SPATA18: variants seen among roughly 807,000 people sequenced by gnomAD.
SPATA18 encodes spermatogenesis associated 18, also known as mitochondria-eating protein.
In SPATA18, 54 loss-of-function variants were observed where a neutral mutation model predicts 68.1. The ratio of observed to expected loss-of-function variants is 0.79; its 90% CI spans 0.64 to 0.99. The LOEUF (loss-of-function observed/expected upper bound fraction) is 0.99, where lower values mean the gene tolerates loss of function less well. Ranked by LOEUF, SPATA18 falls within the 50% of genes least tolerant of loss-of-function variation. The pLI is 0.00. For synonymous variants in SPATA18, 242 were observed against 244.8 expected (o/e 0.99, Z 0.11); for missense variants, 724 against 681.1 (o/e 1.06, Z -0.70).
rs1244084177 is a variant in SPATA18, at chr4:52,088,664, T to A, written c.1563+3665T>A. ...TTCATAGTGGATAAGCTTTTTGATGTGCTGCTGGATTCAGTTTGCCAGTAT... is the reference window on the plus strand; with the variant it reads ...TTCATAGTGGATAAGCTTTTTGATGAGCTGCTGGATTCAGTTTGCCAGTAT... On this transcript the variant is annotated intron_variant, in intron 11 of 12. Coordinates refer to ENST00000295213, the MANE Select transcript of SPATA18 (RefSeq NM_145263.4). Among the ~76,000 whole-genome samples, 5 of 152,306 alleles carry A rather than the reference T, an allele frequency of 3.3e-5. No homozygotes were observed. The East Asian group carries it at 7.7e-4, about 24-fold the overall frequency.
intron 4 of SPATA18, among the ~76,000 whole-genome samples, 169 bp from the exon 5 acceptor site, chr4:52,069,652 C>G (rs1313349678): frequency 6.6e-6 from 1 of 152,240 alleles, no homozygotes; most frequent in South Asian, 2.1e-4. Context: ...CATACAAGTC[C>G]ACCACAATAT....
At chr4:52,076,714 TGA>T in intron 6 of SPATA18, 63 bp from the exon 7 acceptor site, 1 of 1,588,326 alleles carries the variant, frequency 6.3e-7, no homozygotes, top group Middle Eastern at 1.7e-4. Flanking sequence ...GGCCACCAGA[TGA>T]TCTTTGCTTT....
At chr4:52,061,687 A>G (rs1459095270) in intron 3 of SPATA18, among the ~76,000 whole-genome samples, 5 of 152,032 alleles carry the variant, frequency 3.3e-5, no homozygotes, top group Admixed American at 2.6e-4. Flanking sequence ...AATGGAGACA[A>G]TGGTTTTGCT....
intron 10 of SPATA18, chr4:52,083,120 T>C: frequency 1.0e-6 from 1 of 985,424 alleles, no homozygotes; most frequent in South Asian, 4.7e-5. Flanking sequence ...AGGTACCGTA[T>C]GTGAGCATGT....
intron 11 of SPATA18, among the ~76,000 whole-genome samples, chr4:52,089,611 C>A (rs1693266108): frequency 6.6e-6 from 1 of 152,292 alleles, no homozygotes; most frequent in Non-Finnish European, 1.5e-5. Context: ...GTTTCTTAAA[C>A]CTGAGTTCTA....
At chr4:52,051,829 C>CT (rs762853740) in intron 1 of SPATA18, 38 bp downstream of exon 1, 1 of 1,571,170 alleles carries the variant, frequency 6.4e-7, no homozygotes, top group Non-Finnish European at 8.7e-7. Context: ...TTCGCCCTCC[C>CT]ATAGGTTCCA....
chr4:52,084,888 GTCTC>G (rs1741279310), intron 10 of SPATA18, 24 bp from the exon 11 acceptor site: 2 of 1,610,352 alleles, frequency 1.2e-6, no homozygotes, highest in African/African-American at 2.7e-5. Context: ...TCCTGACTAT[GTCTC>G]TCTCTTTCTC....
At chr4:52,059,320 G>T (rs1467494459) in intron 1 of SPATA18, among the ~76,000 whole-genome samples, 2 of 152,178 alleles carry the variant, frequency 1.3e-5, no homozygotes, top group Non-Finnish European at 2.9e-5. Flanking sequence ...ATGCCTTATT[G>T]AGCCCTGAGG....
At chr4:52,055,554 C>G (rs947026252) in intron 1 of SPATA18, among the ~76,000 whole-genome samples, 3 of 152,176 alleles carry the variant, frequency 2.0e-5, no homozygotes, top group Non-Finnish European at 4.4e-5. Flanking sequence ...GTGTGTTTCT[C>G]TATTTTCTTT....
chr4:52,066,258 C>A (rs1212097486), intron 4 of SPATA18, among the ~76,000 whole-genome samples: 1 of 152,148 alleles, frequency 6.6e-6, no homozygotes. Context: ...TCATGCCATT[C>A]TCCTGCCTCA....
At chr4:52,059,654 C>T (rs934724282) in intron 1 of SPATA18, among the ~76,000 whole-genome samples, 7 of 152,222 alleles carry the variant, frequency 4.6e-5, no homozygotes, top group South Asian at 2.1e-4. Context: ...GTAGAGCTTG[C>T]GCTCATCTGT....
In SPATA18 at chr4:52,071,950, C is replaced by T; in HGVS notation, c.552C>T (p.Arg184=). The part of the protein sequence containing the change: ...LKSLQAQEDA[R]HRNTDQRSSE... ...CTCTTCAAGCTCAGGAGGATGCCCG[C>T]CACAGAAACACAGATCAGAGGAGCT... is the stretch of plus-strand genomic sequence containing the variant. Residue 184 remains arginine, a synonymous_variant, in exon 6 of 13, where the codon CGC becomes CGT. Transcript: ENST00000295213. 6.2e-7 allele frequency: 1 copy of T among 1,613,880 alleles called. No individual in the cohort carries two copies. The highest frequency in any genetic ancestry group is 1.7e-5 in the Admixed American group (1 of 60,006).
At chr4:52,061,831 A>T (rs984531407) in intron 3 of SPATA18, among the ~76,000 whole-genome samples, 4 of 152,104 alleles carry the variant, frequency 2.6e-5, no homozygotes. Flanking sequence ...GAATTTATGG[A>T]CGCTTCTCAG....
intron 11 of SPATA18, among the ~76,000 whole-genome samples, chr4:52,086,138 C>T (rs1392523978): frequency 6.6e-6 from 1 of 152,122 alleles, no homozygotes; most frequent in Non-Finnish European, 1.5e-5. Context: ...CATCCGGCAA[C>T]CCTACACACT....
chr4:52,056,587 CCCTCTCATA>C (rs1289141126), intron 1 of SPATA18, among the ~76,000 whole-genome samples: 1 of 152,148 alleles, frequency 6.6e-6, no homozygotes, highest in African/African-American at 2.4e-5. Flanking sequence ...TCAGGATCAT[CCCTCTCATA>C]CCTCTTACTC....
rs1003942013 is a variant in SPATA18, at chr4:52,051,505, C to T, written c.-200C>T. 2.1e-4 allele frequency: 116 copies of T among 557,944 alleles called. No homozygotes were observed. Among genetic ancestry groups the T allele is most frequent in the African/African-American group, 2.0e-3 (107 of 53,082 alleles). 34.6% of individuals were successfully genotyped at this position (557,944 alleles called of 1,614,324 possible). A position where few individuals can be genotyped will look rare whatever the true frequency, so the allele number is the denominator to read the frequency against. On this transcript the variant is annotated 5_prime_UTR_variant, in exon 1 of 13. Transcript: ENST00000295213. ...GACGGCGGATGAGGCGCGGCGGCTG[C>T]GGCCCAGGGCACCTCCCCTCTGGCT...
At chr4:52,058,898 AATG>A (rs1273783629) in intron 1 of SPATA18, among the ~76,000 whole-genome samples, 1 of 152,234 alleles carries the variant, frequency 6.6e-6, no homozygotes, top group Non-Finnish European at 1.5e-5. Flanking sequence ...CTGAAATGGG[AATG>A]ATAATAATAA....
rs767528032 is a variant in SPATA18 at position 52,062,262 on chromosome 4, G to A, written c.352G>A (p.Asp118Asn). The A allele has an allele frequency of 1.7e-5, 28 of 1,608,268 alleles. No individual in the cohort carries two copies. The highest frequency in any genetic ancestry group is 2.4e-5 in the Non-Finnish European group (28 of 1,177,158). ...GAGACATAAAGATCCCAGTCCTCGGGATCGGGATATGCAACAGTTAGACTC... is the reference window on the plus strand; with the variant it reads ...GAGACATAAAGATCCCAGTCCTCGGAATCGGGATATGCAACAGTTAGACTC... ...RERHKDPSPR[D>N]RDMQQLDSNL... Residue 118 changes from aspartate (D) to asparagine (N), a missense_variant, in exon 4 of 13, where the codon GAT (aspartate) becomes AAT (asparagine). Asp to Asn is a conservative substitution (Grantham distance 23). Transcript: ENST00000295213.
chr4:52,064,691 G>T (rs548409751), intron 4 of SPATA18, among the ~76,000 whole-genome samples: 5 of 152,292 alleles, frequency 3.3e-5, no homozygotes, highest in Non-Finnish European at 7.3e-5. Context: ...TGGGCACTTA[G>T]GTTGGTTCCA....
Sources: allele counts gnomAD v4.1 joint callset (sites outside exome capture counted in the v4.1 genomes callset), GRCh38; gene constraint gnomAD v4.1.1; transcripts MANE v1.5; gene names NCBI Gene and HGNC (gene_info 2026-07-23, HGNC 2026-07-21).